SYT7: variants seen among roughly 807,000 people sequenced by gnomAD.
SYT7 encodes the protein synaptotagmin-7.
In SYT7, 29 loss-of-function variants were observed where a neutral mutation model predicts 75.1. The observed-to-expected ratio is 0.39, with a 90% CI of 0.29 to 0.53. The LOEUF (loss-of-function observed/expected upper bound fraction) is 0.53, where lower values mean the gene tolerates loss of function less well. SYT7 is among the 20% of genes least tolerant of loss of function. The probability of loss-of-function intolerance (pLI) is 0.77; values close to 1 mark genes in which losing one functional copy is unlikely to be tolerated. For missense variants in SYT7, 693 were observed against 953.2 expected (o/e 0.73, Z 3.59); for synonymous variants, 376 against 401.7 (o/e 0.94, Z 0.76).
In SYT7 at chr11:61,524,248, C is replaced by T; in HGVS notation, c.1641+115G>A. 7.6e-7 allele frequency: 1 copy of T among 1,307,266 alleles called. No homozygotes were observed. 81.0% of individuals were successfully genotyped at this position (1,307,266 alleles called of 1,614,324 possible). A position where few individuals can be genotyped will look rare whatever the true frequency, so the allele number is the denominator to read the frequency against. On this transcript the variant is annotated intron_variant, in intron 10 of 12. Transcript: ENST00000539008. The surrounding 1 kb of genome is among the most constrained non-coding windows in gnomAD (Gnocchi z 4.1). The stretch of plus-strand genomic sequence containing the variant: ...GCTGAGCTCCATCGGGTCCACCCAT[C>T]TGCACCCTCTCCCACAGCCCTCCTG...
In SYT7 at chr11:61,540,706, A is replaced by C. The variant is rs1161696342; in HGVS notation, c.941+1505T>G. ...GGCCCAGTTTAATGGCTGCTGGAAC[A>C]GGAAGTAGGGTGACAGCTGTGATAA... On this transcript the variant is annotated intron_variant, in intron 6 of 12. Transcript: ENST00000539008. The C allele has an allele frequency of 4.1e-6, 4 of 985,486 alleles. No individual in the cohort carries two copies. In the African/African-American group the frequency reaches 7.0e-5, roughly 17 times the overall value. The allele number at this position is 985,486 out of a possible 1,614,324, so 61.0% of individuals were successfully genotyped here.
upstream of SYT7, among the ~76,000 whole-genome samples, chr11:61,585,340 C>T (rs1232433659): frequency 2.0e-5 from 3 of 152,142 alleles, no homozygotes; most frequent in East Asian, 3.8e-4. Flanking sequence ...AACAAACACA[C>T]CTCTCTCCTT....
chr11:61,517,191 TA>T lies in SYT7; in HGVS notation c.*1435del. 1 of 398,492 alleles carries T rather than the reference TA, an allele frequency of 2.5e-6. No homozygotes were observed. Among genetic ancestry groups the T allele is most frequent in the Non-Finnish European group, 4.4e-6 (1 of 226,024 alleles). 24.7% of individuals were successfully genotyped at this position (398,492 alleles called of 1,614,324 possible). A position where few individuals can be genotyped will look rare whatever the true frequency, so the allele number is the denominator to read the frequency against. On this transcript the variant is annotated 3_prime_UTR_variant, in exon 13 of 13. Coordinates refer to ENST00000539008, the MANE Select transcript of SYT7 (RefSeq NM_001365809.2). ...TGTCACCAGCTGGGTCTTGTATCAA[TA>T]CCAGGACCAGCGTGGGGATGAGAGG...
chr11:61,575,438 A>C (rs2064044419), intron 1 of SYT7, among the ~76,000 whole-genome samples: 1 of 152,224 alleles, frequency 6.6e-6, no homozygotes, highest in Non-Finnish European at 1.5e-5. Flanking sequence ...ACCTAGTCAC[A>C]AACACACAGG....
Position 61,581,047 on chromosome 11 carries a change from G to A in SYT7, c.-227C>T, listed in dbSNP as rs140922750. The A allele has an allele frequency of 6.7e-5, 45 of 668,710 alleles. No individual in the cohort carries two copies. Among genetic ancestry groups the A allele is most frequent in the Non-Finnish European group, 7.9e-5 (43 of 545,034 alleles). 41.4% of individuals were successfully genotyped at this position (668,710 alleles called of 1,614,324 possible). On this transcript the variant is annotated 5_prime_UTR_variant, in exon 1 of 13. Coordinates refer to ENST00000539008, the MANE Select transcript of SYT7 (RefSeq NM_001365809.2). Reference sequence around the variant, plus strand: ...CGCCGCCGCCGAACAGCGCCGAGCCGCCTCCCTCCGGCCTGCGCGCCGCGT... The same window carrying A: ...CGCCGCCGCCGAACAGCGCCGAGCCACCTCCCTCCGGCCTGCGCGCCGCGT...
At chr11:61,557,016 G>A (rs1258032166) in intron 1 of SYT7, among the ~76,000 whole-genome samples, 1 of 152,150 alleles carries the variant, frequency 6.6e-6, no homozygotes, top group Non-Finnish European at 1.5e-5. Context: ...AAAATCTCAG[G>A]CCTCTGTCTG....
At chr11:61,569,901 G>A (rs1175366834) in intron 1 of SYT7, among the ~76,000 whole-genome samples, 4 of 152,164 alleles carry the variant, frequency 2.6e-5, no homozygotes, top group East Asian at 1.9e-4. Context: ...ACCCTCCTAC[G>A]CAGCCACAGG....
At position 61,519,981 on chromosome 11, in the gene SYT7, C is replaced by T. The variant is rs879621271; in HGVS notation, c.1957-1250G>A. On this transcript the variant is annotated intron_variant, in intron 12 of 12. Coordinates refer to ENST00000539008, the MANE Select transcript of SYT7 (RefSeq NM_001365809.2). ...GATTACAGGCGCCCGCCACCACGCC[C>T]GGCTAATTTTTGTATTTTTAGTAGA... is the stretch of plus-strand genomic sequence containing the variant. Among the ~76,000 whole-genome samples, 6 of 151,914 alleles carry T rather than the reference C, an allele frequency of 3.9e-5. No homozygotes were observed. The East Asian group carries it at 5.8e-4, about 15-fold the overall frequency.
intron 2 of SYT7, among the ~76,000 whole-genome samples, chr11:61,552,135 G>C (rs972334465): frequency 6.6e-6 from 1 of 152,144 alleles, no homozygotes; most frequent in Non-Finnish European, 1.5e-5. Flanking sequence ...GGGAGGGAGG[G>C]AGCAGGGCAG....
At chr11:61,534,058 A>AG (rs1480425355) in intron 7 of SYT7, among the ~76,000 whole-genome samples, 14 of 152,160 alleles carry the variant, frequency 9.2e-5, no homozygotes. Flanking sequence ...GGGGTCAGGA[A>AG]GGGGGCACTA....
At chr11:61,541,654 GTGGC>G (rs1158417958) in intron 6 of SYT7, among the ~76,000 whole-genome samples, 2 of 151,726 alleles carry the variant, frequency 1.3e-5, no homozygotes, top group Admixed American at 6.6e-5. Flanking sequence ...TGGAGGACAG[GTGGC>G]TATAGAAGGT....
In SYT7 at chr11:61,515,244, C is replaced by T. The variant is rs1036515314; in HGVS notation, c.*3383G>A. 6.6e-6 allele frequency: 1 copy of T among 152,258 alleles called. No homozygotes were observed. The highest frequency in any genetic ancestry group is 1.9e-4 in the East Asian group (1 of 5,194). The allele number at this position is 152,258 out of a possible 1,614,324, so 9.4% of individuals were successfully genotyped here. On this transcript the variant is annotated 3_prime_UTR_variant, in exon 13 of 13. Transcript: ENST00000539008. The stretch of plus-strand genomic sequence containing the variant: ...TCAGCCCCGGGGCCCCCATCCCCTT[C>T]ACCCCACTGCCTCTGCCCCCAGGGA...
chr11:61,546,755 C>A lies in SYT7; in HGVS notation c.347+422G>T. 1 of 421,172 alleles carries A rather than the reference C, an allele frequency of 2.4e-6. No homozygotes were observed. Among genetic ancestry groups the A allele is most frequent in the Non-Finnish European group, 4.7e-6 (1 of 211,258 alleles). 26.1% of individuals were successfully genotyped at this position (421,172 alleles called of 1,614,324 possible). A position where few individuals can be genotyped will look rare whatever the true frequency, so the allele number is the denominator to read the frequency against. On this transcript the variant is annotated intron_variant, in intron 4 of 12. Transcript: ENST00000539008. This position sits in a 1 kb window ranked among gnomAD's most constrained non-coding sequence, Gnocchi z 7.6. ...CCACCACCATCACCGCCACCACCGC[C>A]ACGAACCACCGACCACCGACCACCG...
rs376084539 is a variant in SYT7, at chr11:61,515,816, C to G, written c.*2811G>C. The G allele has an allele frequency of 6.6e-6, 1 of 152,666 alleles. No individual in the cohort carries two copies. Among genetic ancestry groups the G allele is most frequent in the African/African-American group, 2.4e-5 (1 of 41,428 alleles). The allele number at this position is 152,666 out of a possible 1,614,324, so 9.5% of individuals were successfully genotyped here. A position where few individuals can be genotyped will look rare whatever the true frequency, so the allele number is the denominator to read the frequency against. ...TGGCAGACGAAGCCCATGAAAGGGC[C>G]TGCGACAGAGTGAAGAGACGGATGG... On this transcript the variant is annotated 3_prime_UTR_variant, in exon 13 of 13. Transcript: ENST00000539008.
intron 1 of SYT7, among the ~76,000 whole-genome samples, chr11:61,571,613 C>T (rs1003821923): frequency 5.9e-5 from 9 of 152,240 alleles, no homozygotes; most frequent in African/African-American, 1.2e-4. Flanking sequence ...GCCTTCCTCA[C>T]GCCTCTCCCC....
chr11:61,524,729 C>G lies in SYT7; in HGVS notation c.1472-197G>C. On this transcript the variant is annotated intron_variant, in intron 9 of 12. Coordinates refer to ENST00000539008, the MANE Select transcript of SYT7 (RefSeq NM_001365809.2). The surrounding 1 kb of genome is among the most constrained non-coding windows in gnomAD (Gnocchi z 4.1). ...AACTGTCACCGTCTCATGGGATTCC[C>G]TCAACAATTCTCCAAGGTGAATGGC... is the stretch of plus-strand genomic sequence containing the variant. 1.9e-6 allele frequency: 1 copy of G among 531,722 alleles called. No individual in the cohort carries two copies. The highest frequency in any genetic ancestry group is 3.3e-6 in the Non-Finnish European group (1 of 303,528). The allele number at this position is 531,722 out of a possible 1,614,324, so 32.9% of individuals were successfully genotyped here.
intron 9 of SYT7, chr11:61,525,912 G>A (rs2062499829): frequency 6.6e-6 from 1 of 152,640 alleles, no homozygotes; most frequent in Non-Finnish European, 1.5e-5. Context: ...GGGGCCAGGT[G>A]AAGGTCTGAA....
At position 61,532,971 on chromosome 11, in the gene SYT7, AG is replaced by A. The variant is rs910702193; in HGVS notation, c.1200+17del. 4 of 1,612,024 alleles carry A rather than the reference AG, an allele frequency of 2.5e-6. No individual in the cohort carries two copies. The highest frequency in any genetic ancestry group is 3.4e-6 in the Non-Finnish European group (4 of 1,179,894). ...CCAGCCCAGTTCCTTGGAGCAGCGCAGGCTCCCTCATTCTCACCATGAGCAT... is the reference window on the plus strand; with the variant it reads ...CCAGCCCAGTTCCTTGGAGCAGCGCAGCTCCCTCATTCTCACCATGAGCAT... On this transcript the variant is annotated intron_variant, in intron 8 of 12. Transcript: ENST00000539008.
At chr11:61,544,176 A>G (rs2063122025) in intron 5 of SYT7, among the ~76,000 whole-genome samples, 1 of 151,984 alleles carries the variant, frequency 6.6e-6, no homozygotes, top group African/African-American at 2.4e-5. Context: ...AACTTTGCTG[A>G]CCTCTGGTCT....
Sources: allele counts gnomAD v4.1 joint callset (sites outside exome capture counted in the v4.1 genomes callset), GRCh38; gene constraint gnomAD v4.1.1; non-coding constraint Gnocchi (gnomAD v3.1); transcripts MANE v1.5; gene names NCBI Gene and HGNC (gene_info 2026-07-23, HGNC 2026-07-21).